ESRRG: variants seen among roughly 807,000 people sequenced by gnomAD.
The protein encoded by ESRRG is estrogen-related receptor gamma.
ESRRG carries 13 observed loss-of-function variants against 44.0 expected under a neutral mutation model. The ratio of observed to expected loss-of-function variants is 0.30; its 90% CI spans 0.19 to 0.47. The LOEUF is 0.47. Among genes scored for constraint, ESRRG ranks in the 20% least tolerant of loss-of-function variants. The probability of loss-of-function intolerance (pLI) is 1.00; values close to 1 mark genes in which losing one functional copy is unlikely to be tolerated. For missense variants in ESRRG, 395 were observed against 580.6 expected (o/e 0.68, Z 3.29); for synonymous variants, 215 against 214.6 (o/e 1.00, Z -0.02).
chr1:216,637,759 C>G (rs921063024), intron 3 of ESRRG, among the ~76,000 whole-genome samples: 1 of 151,998 alleles, frequency 6.6e-6, no homozygotes. Flanking sequence ...AGATCAAAAC[C>G]AACATTATTC....
At chr1:216,749,317 G>A (rs1353638530) in intron 2 of ESRRG, among the ~76,000 whole-genome samples, 2 of 151,946 alleles carry the variant, frequency 1.3e-5, no homozygotes, top group African/African-American at 4.8e-5. Flanking sequence ...CCATACCGAC[G>A]GCACCTGTTA....
intron 1 of ESRRG, among the ~76,000 whole-genome samples, chr1:216,949,233 T>C (rs983229110): frequency 2.0e-5 from 3 of 152,202 alleles, no homozygotes; most frequent in African/African-American, 7.2e-5. Flanking sequence ...GATTCCCTCA[T>C]TCTTTGTTTC....
intron 2 of ESRRG, among the ~76,000 whole-genome samples, chr1:216,785,145 T>C (rs1227207105): frequency 6.6e-6 from 1 of 152,058 alleles, no homozygotes; most frequent in Non-Finnish European, 1.5e-5. Context: ...TTTAAAAATC[T>C]TTAGTGACAC....
chr1:216,844,410 G>A (rs1221546470), intron 2 of ESRRG, among the ~76,000 whole-genome samples: 5 of 152,086 alleles, frequency 3.3e-5, no homozygotes, highest in Non-Finnish European at 7.4e-5. Context: ...CCCGAAGCTT[G>A]CTATGGTAAA....
chr1:217,112,482 C>T (rs1286288142), intron 1 of ESRRG, among the ~76,000 whole-genome samples: 1 of 152,118 alleles, frequency 6.6e-6, no homozygotes, highest in Non-Finnish European at 1.5e-5. Flanking sequence ...ATACTGTTGC[C>T]TACAGTAACG....
At chr1:216,553,799 T>C (rs1156392743) in intron 5 of ESRRG, among the ~76,000 whole-genome samples, 1 of 152,142 alleles carries the variant, frequency 6.6e-6, no homozygotes, top group Non-Finnish European at 1.5e-5. Context: ...ATATCATTCC[T>C]GACACTCGCT....
chr1:216,956,183 T>G (rs2067916520), intron 1 of ESRRG, among the ~76,000 whole-genome samples: 1 of 152,054 alleles, frequency 6.6e-6, no homozygotes, highest in Non-Finnish European at 1.5e-5. Flanking sequence ...GGTCTTCCAG[T>G]TAAGTCTTTA....
At chr1:216,746,736 C>T (rs1449373822) in intron 2 of ESRRG, among the ~76,000 whole-genome samples, 4 of 152,132 alleles carry the variant, frequency 2.6e-5, no homozygotes, top group African/African-American at 9.7e-5. Flanking sequence ...ATCTTCATCT[C>T]CTAACTTAAA....
At chr1:216,781,270 A>G (rs576612114) in intron 2 of ESRRG, among the ~76,000 whole-genome samples, 2 of 151,740 alleles carry the variant, frequency 1.3e-5, no homozygotes, top group African/African-American at 2.4e-5. Context: ...GCATCCCTGA[A>G]CAACCAAAAT....
chr1:217,054,260 C>T (rs776241214), intron 1 of ESRRG, among the ~76,000 whole-genome samples: 3 of 152,264 alleles, frequency 2.0e-5, no homozygotes, highest in Non-Finnish European at 2.9e-5. Context: ...ATCCAATAGG[C>T]TATTGATCAT....
chr1:216,763,539 A>C (rs7547186), intron 2 of ESRRG, among the ~76,000 whole-genome samples: 1 of 151,966 alleles, frequency 6.6e-6, no homozygotes, highest in Non-Finnish European at 1.5e-5. Context: ...TAAATTATCA[A>C]AGAGAAAACT....
intron 5 of ESRRG, among the ~76,000 whole-genome samples, chr1:216,523,922 T>C (rs2046865414): frequency 2.0e-5 from 3 of 151,890 alleles, no homozygotes; most frequent in Admixed American, 1.3e-4. Context: ...AATGACTCAC[T>C]GAGATCACAA....
intron 5 of ESRRG, among the ~76,000 whole-genome samples, chr1:216,521,467 A>G (rs1017016632): frequency 4.6e-5 from 7 of 151,026 alleles, no homozygotes; most frequent in African/African-American, 1.2e-4. Flanking sequence ...AAAAAAAATC[A>G]TCTGGAAAGT....
chr1:217,080,096 T>C (rs1198828772), intron 1 of ESRRG, among the ~76,000 whole-genome samples: 2 of 152,236 alleles, frequency 1.3e-5, no homozygotes, highest in Non-Finnish European at 2.9e-5. Context: ...ATATATGAAT[T>C]GACCACATAG....
At chr1:216,736,332 C>G (rs1246538289) in intron 2 of ESRRG, among the ~76,000 whole-genome samples, 2 of 151,622 alleles carry the variant, frequency 1.3e-5, no homozygotes, top group Non-Finnish European at 2.9e-5. Context: ...TACAGCCGTC[C>G]GCCACCACGC....
chr1:216,862,455 C>T (rs79392216), intron 2 of ESRRG: 6,806 of 152,046 alleles, frequency 0.045, 348 homozygotes, highest in African/African-American at 0.12. Context: ...GAGCTCATGA[C>T]CTCGTGACCC....
chr1:216,895,088 T>C (rs76437375), intron 2 of ESRRG, among the ~76,000 whole-genome samples: 1,774 of 152,304 alleles, frequency 0.012, 10 homozygotes, highest in Non-Finnish European at 0.014. Flanking sequence ...TATGCTTTTT[T>C]CTTTTTCCCA....
At chr1:216,547,253 T>TTGTTGATGATGA (rs140514176) in intron 5 of ESRRG, among the ~76,000 whole-genome samples, 2 of 150,750 alleles carry the variant, frequency 1.3e-5, no homozygotes, top group African/African-American at 4.9e-5. Context: ...GTTGATGTTG[T>TTGTTGATGATGA]TGATGATGAT....
intron 1 of ESRRG, among the ~76,000 whole-genome samples, chr1:217,133,847 G>A (rs1363674565): frequency 1.3e-5 from 2 of 151,998 alleles, no homozygotes; most frequent in East Asian, 1.9e-4. Context: ...CGCATTTACA[G>A]TTGGGGAATG....
Sources: allele counts gnomAD v4.1 joint callset (sites outside exome capture counted in the v4.1 genomes callset), GRCh38; gene constraint gnomAD v4.1.1; transcripts MANE v1.5; gene names NCBI Gene and HGNC (gene_info 2026-07-23, HGNC 2026-07-21).